The following C3orf22 variants were observed in gnomAD, a reference collection of about 807,000 sequenced individuals.
C3orf22 encodes uncharacterized protein C3orf22.
In C3orf22, 7 loss-of-function variants were observed where a neutral mutation model predicts 10.8. That is an observed-to-expected ratio of 0.65 (90% confidence interval 0.37 to 1.22). The LOEUF (loss-of-function observed/expected upper bound fraction) is 1.22. C3orf22 is among the 50% of genes most tolerant of loss of function. The pLI, the probability that C3orf22 is intolerant of heterozygous loss-of-function variation, is 0.02. For missense variants in C3orf22, 173 were observed against 177.0 expected (o/e 0.98, Z 0.13); for synonymous variants, 79 against 78.9 (o/e 1.00, Z 0.00).
chr3:126,535,316 C>T (rs1200414313), intron 4 of C3orf22, among the ~76,000 whole-genome samples: 1 of 151,020 alleles, frequency 6.6e-6, no homozygotes, highest in Non-Finnish European at 1.5e-5. Context: ...TGTCCTCAGC[C>T]AGGAGACAGA....
At chr3:126,532,006 A>G (rs1470022704) in intron 4 of C3orf22, among the ~76,000 whole-genome samples, 1 of 152,142 alleles carries the variant, frequency 6.6e-6, no homozygotes, top group Admixed American at 6.5e-5. Flanking sequence ...GTTGATTTCT[A>G]TTTCACTAAT....
rs1559750967 is a variant in C3orf22, at chr3:126,543,701, TGA to T, written c.286+5834_286+5835del. 2.0e-5 allele frequency among the ~76,000 whole-genome samples: 3 copies of T among 151,864 alleles called. No individual in the cohort carries two copies. The South Asian group carries it at 6.2e-4, about 32-fold the overall frequency. On this transcript the variant is annotated intron_variant and NMD_transcript_variant, in intron 4 of 5. Transcript: ENST00000505070. ...GTGAGAGTGTGCATAAGTGAGTATATGAGTGTAAGAGTGTGCATGTGTGCATG... is the reference window on the plus strand; with the variant it reads ...GTGAGAGTGTGCATAAGTGAGTATATGTGTAAGAGTGTGCATGTGTGCATG...
intron 4 of C3orf22, among the ~76,000 whole-genome samples, chr3:126,539,805 CCACACACCACAAACACACAT>C: frequency 1.4e-5 from 1 of 73,708 alleles, no homozygotes; most frequent in Non-Finnish European, 2.6e-5. Flanking sequence ...AGACACCACA[CCACACACCACAAACACACAT>C]ACCACACACA....
chr3:126,530,133 C>T (rs182101030), intron 4 of C3orf22, among the ~76,000 whole-genome samples: 25 of 152,386 alleles, frequency 1.6e-4, no homozygotes, highest in Non-Finnish European at 3.4e-4. Context: ...CTGTGCCCAT[C>T]TGTCCCTCCA....
chr3:126,556,579 G>A (rs977258187), intron 1 of C3orf22, among the ~76,000 whole-genome samples: 1 of 152,008 alleles, frequency 6.6e-6, no homozygotes, highest in African/African-American at 2.4e-5. Flanking sequence ...CCCAGCCTCA[G>A]AGGACCCAGG....
At chr3:126,541,840 G>A in intron 4 of C3orf22, 1 of 1,576,248 alleles carries the variant, frequency 6.3e-7, no homozygotes, top group East Asian at 2.4e-5. Flanking sequence ...CGGAGGACCT[G>A]CGGCACGTGC....
intron 4 of C3orf22, chr3:126,536,368 C>T: frequency 6.2e-7 from 1 of 1,605,812 alleles, no homozygotes; most frequent in Non-Finnish European, 8.5e-7. Context: ...GTGGACAGAC[C>T]CTCGACCCAG....
chr3:126,551,113 TTGTGTGTG>T (rs142548027), intron 3 of C3orf22, among the ~76,000 whole-genome samples: 3 of 150,778 alleles, frequency 2.0e-5, no homozygotes, highest in Non-Finnish European at 4.4e-5. Flanking sequence ...AGTCTGTTCT[TTGTGTGTG>T]TGTGTGTGTG....
At chr3:126,544,772 TCA>T (rs925646319), downstream of C3orf22, among the ~76,000 whole-genome samples, 2 of 152,224 alleles carry the variant, frequency 1.3e-5, no homozygotes, top group African/African-American at 4.8e-5. Flanking sequence ...GTTATCACAC[TCA>T]CAGTCCCTTG....
chr3:126,529,349 G>A, exon 5 of C3orf22: 1 of 1,289,338 alleles, frequency 7.8e-7, no homozygotes, highest in Non-Finnish European at 1.0e-6. Context: ...TTCCTCATGG[G>A]TCAGTGAAAT....
At chr3:126,539,382 G>A (rs1391102574) in intron 4 of C3orf22, among the ~76,000 whole-genome samples, 2 of 152,036 alleles carry the variant, frequency 1.3e-5, no homozygotes, top group Non-Finnish European at 2.9e-5. Context: ...ACAGCTGTGG[G>A]ATAGTTTGAA....
intron 3 of C3orf22, among the ~76,000 whole-genome samples, chr3:126,551,515 G>A (rs993203862): frequency 2.6e-5 from 4 of 152,216 alleles, no homozygotes; most frequent in African/African-American, 9.6e-5. Flanking sequence ...GTTTCTTTGA[G>A]CGCCCCATGC....
intron 4 of C3orf22, among the ~76,000 whole-genome samples, chr3:126,533,780 A>G (rs1266036666): frequency 6.6e-6 from 1 of 152,148 alleles, no homozygotes; most frequent in Non-Finnish European, 1.5e-5. Context: ...TTTTTGAAAG[A>G]GTTTATGAAA....
chr3:126,529,127 C>G (rs974854070), intron 5 of C3orf22: 21 of 414,540 alleles, frequency 5.1e-5, no homozygotes, highest in South Asian at 2.0e-4. Context: ...TGGCTGTGCC[C>G]TCACCCTGCA....
intron 1 of C3orf22, among the ~76,000 whole-genome samples, chr3:126,557,115 TACAG>T (rs752021940): frequency 7.2e-5 from 11 of 151,806 alleles, no homozygotes; most frequent in East Asian, 1.9e-4. Flanking sequence ...CACAGACACA[TACAG>T]ACACTCTTAC....
intron 2 of C3orf22, among the ~76,000 whole-genome samples, chr3:126,552,787 T>A (rs1937226538): frequency 6.6e-6 from 1 of 152,244 alleles, no homozygotes; most frequent in South Asian, 2.1e-4. Flanking sequence ...TGCTGCCTGC[T>A]GTCCTGCGGG....
At chr3:126,542,032 C>G (rs1397090057) in intron 4 of C3orf22, 1 of 1,571,198 alleles carries the variant, frequency 6.4e-7, no homozygotes, top group Non-Finnish European at 8.6e-7. Flanking sequence ...CCGCCGAGAT[C>G]AACCGGCGCC....
chr3:126,543,300 A>C (rs968734894), intron 4 of C3orf22: 2 of 152,038 alleles, frequency 1.3e-5, no homozygotes, highest in Admixed American at 1.3e-4. Context: ...GATTTTTTGG[A>C]GTTTATCTGC....
intron 2 of C3orf22, 101 bp downstream of exon 2, chr3:126,553,201 C>T: frequency 1.1e-6 from 1 of 878,634 alleles, no homozygotes; most frequent in South Asian, 1.4e-5. Context: ...GGACAAAACC[C>T]CCTCCCAGCT....
Sources: gnomAD v4.1 joint callset for allele counts (sites outside exome capture counted in the v4.1 genomes callset) on GRCh38, gnomAD v4.1.1 for gene constraint, MANE v1.5 for transcripts, NCBI Gene and HGNC (gene_info 2026-07-23, HGNC 2026-07-21) for gene names.